PTPRD: variants seen among roughly 807,000 people sequenced by gnomAD.
PTPRD encodes receptor-type tyrosine-protein phosphatase delta.
Under a neutral mutation model 214.5 loss-of-function variants are expected in PTPRD, and 34 were observed. The observed-to-expected ratio is 0.16, with a 90% CI of 0.12 to 0.21. The LOEUF is 0.21. Among genes scored for constraint, PTPRD ranks in the 10% least tolerant of loss-of-function variants. The pLI, the probability that PTPRD is intolerant of heterozygous loss-of-function variation, is 1.00. For missense variants in PTPRD, 2,545 were observed against 2,398.7 expected (o/e 1.06, Z -1.27); for synonymous variants, 1,128 against 845.7 (o/e 1.33, Z -5.79).
At chr9:9,139,780 T>G (rs1292529247) in intron 10 of PTPRD, among the ~76,000 whole-genome samples, 1 of 152,164 alleles carries the variant, frequency 6.6e-6, no homozygotes, top group Non-Finnish European at 1.5e-5. Context: ...CTGCAGAAAG[T>G]GCAACCACGG....
At chr9:9,473,789 A>G (rs2094805807) in intron 8 of PTPRD, among the ~76,000 whole-genome samples, 1 of 147,672 alleles carries the variant, frequency 6.8e-6, no homozygotes, top group Admixed American at 6.8e-5. Flanking sequence ...AAAAATGGAT[A>G]TTCAGACTTT....
chr9:8,811,335 G>T (rs2096798484), intron 11 of PTPRD, among the ~76,000 whole-genome samples: 1 of 151,892 alleles, frequency 6.6e-6, no homozygotes, highest in South Asian at 2.1e-4. Flanking sequence ...TTATAGTCAA[G>T]TCCATTGACC....
chr9:9,428,236 A>G (rs867903192), intron 8 of PTPRD, among the ~76,000 whole-genome samples: 2 of 151,448 alleles, frequency 1.3e-5, no homozygotes, highest in Non-Finnish European at 3.0e-5. Context: ...CAAATGGAAA[A>G]CAAAAAAAAA....
chr9:8,578,466 ATAATT>A (rs2092706799), intron 14 of PTPRD, among the ~76,000 whole-genome samples: 1 of 152,198 alleles, frequency 6.6e-6, no homozygotes, highest in Non-Finnish European at 1.5e-5. Context: ...TATTTGATTC[ATAATT>A]TAATTCGGTG....
intron 2 of PTPRD, among the ~76,000 whole-genome samples, chr9:10,486,103 T>G (rs1313850068): frequency 6.6e-6 from 1 of 152,080 alleles, no homozygotes; most frequent in Non-Finnish European, 1.5e-5. Context: ...GGTGGGTGGA[T>G]TGCAAAAATT....
intron 4 of PTPRD, among the ~76,000 whole-genome samples, chr9:9,962,915 T>G (rs2094457212): frequency 6.6e-6 from 1 of 151,996 alleles, no homozygotes; most frequent in Admixed American, 6.6e-5. Flanking sequence ...ATGAATAAAC[T>G]TACGTCAAAC....
At chr9:10,373,583 C>G (rs1367030935) in intron 2 of PTPRD, among the ~76,000 whole-genome samples, 1 of 152,040 alleles carries the variant, frequency 6.6e-6, no homozygotes, top group Non-Finnish European at 1.5e-5. Flanking sequence ...TGTGTGAAGT[C>G]AAAGGAAAAT....
At chr9:10,602,002 G>C (rs1302641304) in intron 2 of PTPRD, among the ~76,000 whole-genome samples, 1 of 151,766 alleles carries the variant, frequency 6.6e-6, no homozygotes, top group Non-Finnish European at 1.5e-5. Context: ...TTTCACACCT[G>C]AAAGGAAGAG....
At chr9:10,360,881 T>A (rs1404535799) in intron 2 of PTPRD, among the ~76,000 whole-genome samples, 1 of 152,118 alleles carries the variant, frequency 6.6e-6, no homozygotes, top group African/African-American at 2.4e-5. Flanking sequence ...GACGGGCAGA[T>A]CGCGAGGTCA....
chr9:9,712,879 G>T (rs919761155), intron 7 of PTPRD, among the ~76,000 whole-genome samples: 1 of 152,142 alleles, frequency 6.6e-6, no homozygotes, highest in Admixed American at 6.6e-5. Context: ...TTATGTTATT[G>T]CTATAGTGAC....
intron 9 of PTPRD, among the ~76,000 whole-genome samples, chr9:9,389,612 T>C (rs963744289): frequency 6.6e-5 from 10 of 152,210 alleles, no homozygotes; most frequent in African/African-American, 1.7e-4. Flanking sequence ...AAATGAGATA[T>C]ACCAACCATT....
chr9:8,855,362 G>A (rs1212159650), intron 11 of PTPRD, among the ~76,000 whole-genome samples: 1 of 151,964 alleles, frequency 6.6e-6, no homozygotes, highest in Non-Finnish European at 1.5e-5. Context: ...TTACATCTAT[G>A]GTTATCTACT....
chr9:9,252,306 G>A (rs1569565734), intron 9 of PTPRD, among the ~76,000 whole-genome samples: 2 of 152,022 alleles, frequency 1.3e-5, no homozygotes, highest in African/African-American at 4.8e-5. Flanking sequence ...GTATCAGGAA[G>A]AGAAGAACGA....
At chr9:9,202,183 G>A (rs1268780684) in intron 9 of PTPRD, among the ~76,000 whole-genome samples, 1 of 152,168 alleles carries the variant, frequency 6.6e-6, no homozygotes, top group African/African-American at 2.4e-5. Flanking sequence ...TTTGTCAGCA[G>A]TAGTAACAAC....
intron 5 of PTPRD, among the ~76,000 whole-genome samples, chr9:9,781,382 C>T (rs1193057286): frequency 6.6e-6 from 1 of 151,678 alleles, no homozygotes; most frequent in African/African-American, 2.4e-5. Flanking sequence ...TATAAACATT[C>T]GATAAAAATA....
chr9:10,514,277 A>C (rs10756043), intron 2 of PTPRD, among the ~76,000 whole-genome samples: 52,398 of 150,828 alleles, frequency 0.35, 9,257 homozygotes, highest in Middle Eastern at 0.4. Flanking sequence ...TCTTTTATGT[A>C]TTTTTTTTTA....
chr9:9,395,735 T>C lies in PTPRD; in HGVS notation c.-203+1714A>G, dbSNP rs889828840. ...ATCTGAACTAGCTGAACAAATAGAC[T>C]GGAAAGCATTCACAACGTCAGTAGG... On this transcript the variant is annotated intron_variant, in intron 9 of 45. Transcript: ENST00000381196. Among the ~76,000 whole-genome samples, 5 of 152,108 alleles carry C rather than the reference T, an allele frequency of 3.3e-5. No homozygotes were observed. In the South Asian group the frequency reaches 8.3e-4, roughly 25 times the overall value.
chr9:9,279,851 T>C (rs1027487419), intron 9 of PTPRD, among the ~76,000 whole-genome samples: 4 of 151,264 alleles, frequency 2.6e-5, no homozygotes, highest in East Asian at 2.0e-4. Flanking sequence ...GTCATACTTA[T>C]ACATTCAGTA....
intron 35 of PTPRD, among the ~76,000 whole-genome samples, chr9:8,407,386 G>C (rs1027009788): frequency 9.9e-5 from 15 of 152,176 alleles, no homozygotes; most frequent in African/African-American, 3.6e-4. Flanking sequence ...CCTACTTCGT[G>C]ACAGGCTCTG....
Sources: gnomAD v4.1 joint callset for allele counts (sites outside exome capture counted in the v4.1 genomes callset) on GRCh38, gnomAD v4.1.1 for gene constraint, MANE v1.5 for transcripts, NCBI Gene and HGNC (gene_info 2026-07-23, HGNC 2026-07-21) for gene names.